Variants in HVCN1 observed in about 807,000 individuals in gnomAD.
HVCN1 encodes the protein hydrogen voltage gated channel 1, also known as voltage-gated hydrogen channel 1.
In HVCN1, 14 loss-of-function variants were observed where a neutral mutation model predicts 29.2. The ratio of observed to expected loss-of-function variants is 0.48; its 90% CI spans 0.32 to 0.75. The LOEUF is 0.75. Among genes scored for constraint, HVCN1 ranks in the 30% least tolerant of loss-of-function variants. The pLI, the probability that HVCN1 is intolerant of heterozygous loss-of-function variation, is 0.04. For synonymous variants in HVCN1, 131 were observed against 133.2 expected, an observed-to-expected ratio of 0.98 and a Z score of 0.11; for missense variants, 263 against 341.8, an observed-to-expected ratio of 0.77 and a Z score of 1.82.
chr12:110,697,948 C>T (rs1423711021), intron 2 of HVCN1, among the ~76,000 whole-genome samples: 1 of 152,144 alleles, frequency 6.6e-6, no homozygotes, highest in African/African-American at 2.4e-5. Flanking sequence ...CTGTGTCTGG[C>T]CGTTAAGCAT....
intron 1 of HVCN1, among the ~76,000 whole-genome samples, 166 bp from the exon 2 acceptor site, chr12:110,688,874 A>C (rs1322203262): frequency 6.6e-6 from 1 of 152,048 alleles, no homozygotes; most frequent in Non-Finnish European, 1.5e-5. Flanking sequence ...GTCCCTGCCG[A>C]GGGGAAGCAC....
chr12:110,654,608 AGCTGGGATTACAGGCGCAT>A, intron 5 of HVCN1, among the ~76,000 whole-genome samples: 1 of 151,040 alleles, frequency 6.6e-6, no homozygotes, highest in South Asian at 2.1e-4. Context: ...CCTCCTGAGT[AGCTGGGATTACAGGCGCAT>A]GCCACCACGC....
upstream of HVCN1, among the ~76,000 whole-genome samples, chr12:110,690,162 G>C (rs376643247): frequency 7.2e-5 from 11 of 152,256 alleles, no homozygotes; most frequent in South Asian, 1.0e-3. Context: ...TGCTTTTCCC[G>C]GCTGGAGAGG....
At chr12:110,660,585 G>A (rs947134319) in intron 4 of HVCN1, among the ~76,000 whole-genome samples, 5 of 152,130 alleles carry the variant, frequency 3.3e-5, no homozygotes, top group Non-Finnish European at 2.9e-5. Context: ...TTTGCATAAC[G>A]TAAAATTTAC....
chr12:110,693,748 TA>T (rs995615448), upstream of HVCN1, among the ~76,000 whole-genome samples: 10 of 151,708 alleles, frequency 6.6e-5, no homozygotes, highest in East Asian at 1.9e-4. Context: ...TTATTACAAG[TA>T]AAAAAAAATT....
rs1039219796 is a variant in HVCN1, at chr12:110,648,900, C to G, written c.*510G>C. 6 of 398,014 alleles carry G rather than the reference C, an allele frequency of 1.5e-5. No individual in the cohort carries two copies. Among genetic ancestry groups the G allele is most frequent in the Non-Finnish European group, 2.9e-5 (6 of 208,098 alleles). The allele number at this position is 398,014 out of a possible 1,614,324, so 24.7% of individuals were successfully genotyped here. On this transcript the variant is annotated 3_prime_UTR_variant, in exon 8 of 8. Coordinates refer to ENST00000242607, the MANE Select transcript of HVCN1 (RefSeq NM_032369.4). ...AACAATGGAGCCACCTAGAAGCTGG[C>G]TGATGCAGCTGGGGCACACAGAGGA... is the stretch of plus-strand genomic sequence containing the variant.
Position 110,650,182 on chromosome 12 carries a change from T to C in HVCN1, c.742A>G (p.Ser248Gly). ...LAAKIQHLEF[S>G]CSEKEQEIER... ...GTCTTTCTTACCTTCTCAGAGCAGC[T>C]GAACTCAAGGTGTTGAATCTTGGCG... Residue 248 changes from serine (S) to glycine (G), a missense_variant, in exon 7 of 8, where the codon AGC (serine) becomes GGC (glycine). Around this residue, in one of 3 missense-constraint regions of HVCN1, gnomAD observed 51 missense variants for 51.1 expected, o/e 1.00. Transcript: ENST00000242607. 1.9e-6 allele frequency: 3 copies of C among 1,610,406 alleles called. No individual in the cohort carries two copies. The highest frequency in any genetic ancestry group is 1.1e-5 in the South Asian group (1 of 91,032).
chr12:110,688,929 G>A (rs1306985399), intron 1 of HVCN1, among the ~76,000 whole-genome samples, 151 bp downstream of exon 1: 1 of 152,096 alleles, frequency 6.6e-6, no homozygotes, highest in African/African-American at 2.4e-5. Context: ...GCAACCGAGG[G>A]CTGGGGTCCT....
intron 5 of HVCN1, 38 bp from the exon 6 acceptor site, chr12:110,651,486 G>T (rs1158323133): frequency 1.4e-6 from 2 of 1,431,452 alleles, no homozygotes; most frequent in Middle Eastern, 1.8e-4. Context: ...GGGAGATTGG[G>T]CCTCTGGGAG....
chr12:110,691,823 G>A (rs1252663866), upstream of HVCN1, among the ~76,000 whole-genome samples: 2 of 151,530 alleles, frequency 1.3e-5, no homozygotes, highest in African/African-American at 4.9e-5. Flanking sequence ...TTCTCCCTGG[G>A]TACTTGCCTC....
chr12:110,661,304 G>T lies in HVCN1; in HGVS notation c.166C>A (p.Gln56Lys). 1 of 1,613,060 alleles carries T rather than the reference G, an allele frequency of 6.2e-7. No individual in the cohort carries two copies. The highest frequency in any genetic ancestry group is 1.1e-5 in the South Asian group (1 of 91,044). ...ENEEEEEEEE[Q>K]PPPTPVSGEE... ...CCTGAGACTGGTGTGGGTGGTGGCT[G>T]CTCCTCCTCCTCCTCCTCCTCTTCA... Residue 56 changes from glutamine to lysine, a missense_variant, in exon 4 of 8, where the codon CAG (glutamine) becomes AAG (lysine). Physicochemically the swap from Gln to Lys is moderately conservative, Grantham distance 53. Transcript: ENST00000242607. The surrounding 1 kb of genome is among the most constrained non-coding windows in gnomAD (Gnocchi z 6.2).
chr12:110,687,450 A>C (rs181555007), intron 2 of HVCN1, among the ~76,000 whole-genome samples: 341 of 152,336 alleles, frequency 2.2e-3, no homozygotes, highest in African/African-American at 7.5e-3. Context: ...TGCTGTGCAC[A>C]GCCCCTGAGA....
At chr12:110,670,145 C>G (rs999687747) in intron 3 of HVCN1, among the ~76,000 whole-genome samples, 1 of 152,186 alleles carries the variant, frequency 6.6e-6, no homozygotes, top group Non-Finnish European at 1.5e-5. Context: ...AAACTACCAT[C>G]TGGGAGAGAA....
rs759164458 is a variant in HVCN1 at position 110,661,278 on chromosome 12, G to A, written c.192C>T (p.Gly64=). ...EEQPPPTPVS[G]EEGRAAAPDV... is the part of the protein sequence containing the mutation. ...CAGGGGCTGCAGCTCTGCCTTCCTCGCCTGAGACTGGTGTGGGTGGTGGCT... is the reference window on the plus strand; with the variant it reads ...CAGGGGCTGCAGCTCTGCCTTCCTCACCTGAGACTGGTGTGGGTGGTGGCT... Residue 64 remains glycine (G), a synonymous_variant, in exon 4 of 8, where the codon GGC becomes GGT. Transcript: ENST00000242607. The surrounding 1 kb of genome is among the most constrained non-coding windows in gnomAD (Gnocchi z 6.2). The A allele has an allele frequency of 1.9e-5, 30 of 1,614,040 alleles. No homozygotes were observed. Among genetic ancestry groups the A allele is most frequent in the Non-Finnish European group, 2.3e-5 (27 of 1,180,034 alleles).
rs2067590202 is a variant in HVCN1, at chr12:110,648,730, A to G, written c.*680T>C. 1 of 248,714 alleles carries G rather than the reference A, an allele frequency of 4.0e-6. No individual in the cohort carries two copies. The highest frequency in any genetic ancestry group is 5.7e-5 in the Admixed American group (1 of 17,520). 15.4% of individuals were successfully genotyped at this position (248,714 alleles called of 1,614,324 possible). On this transcript the variant is annotated 3_prime_UTR_variant, in exon 8 of 8. Coordinates refer to ENST00000242607, the MANE Select transcript of HVCN1 (RefSeq NM_032369.4). ...GGCACTGTAGCTAGCTTGCTCTCCGACTGGCAGGCTGGTATGGGTGCCACA... is the reference window on the plus strand; with the variant it reads ...GGCACTGTAGCTAGCTTGCTCTCCGGCTGGCAGGCTGGTATGGGTGCCACA...
In HVCN1 at chr12:110,661,099, C is replaced by G; in HGVS notation, c.306+65G>C. The G allele has an allele frequency of 6.7e-7, 1 of 1,491,642 alleles. No homozygotes were observed. Among genetic ancestry groups the G allele is most frequent in the Non-Finnish European group, 9.1e-7 (1 of 1,099,742 alleles). 92.4% of individuals were successfully genotyped at this position (1,491,642 alleles called of 1,614,324 possible). A position where few individuals can be genotyped will look rare whatever the true frequency, so the allele number is the denominator to read the frequency against. ...GGCCAAATGGGCTCAGCCTGGCCGC[C>G]TGCCTCACATTCCCCGATGGCTCTC... On this transcript the variant is annotated intron_variant, in intron 4 of 7. Transcript: ENST00000242607. The surrounding 1 kb of genome is among the most constrained non-coding windows in gnomAD (Gnocchi z 6.2).
At chr12:110,665,410 A>T (rs769175020) in intron 3 of HVCN1, among the ~76,000 whole-genome samples, 5 of 151,832 alleles carry the variant, frequency 3.3e-5, no homozygotes, top group Middle Eastern at 3.2e-3. Context: ...ATACAAAATT[A>T]GCTGGGTGTG....
chr12:110,652,266 G>C (rs1187428563), intron 5 of HVCN1, among the ~76,000 whole-genome samples: 1 of 152,246 alleles, frequency 6.6e-6, no homozygotes, highest in African/African-American at 2.4e-5. Flanking sequence ...GGTGGTGCAT[G>C]CCTGTAGTCC....
chr12:110,683,865 C>T (rs1286465720), intron 2 of HVCN1, among the ~76,000 whole-genome samples: 3 of 142,688 alleles, frequency 2.1e-5, no homozygotes, highest in African/African-American at 2.7e-5. Flanking sequence ...AAGCCGAGAT[C>T]GTGCCACTGC....
Sources: allele counts gnomAD v4.1 joint callset (sites outside exome capture counted in the v4.1 genomes callset), GRCh38; gene constraint gnomAD v4.1.1; regional missense constraint gnomAD v4.1.1; non-coding constraint Gnocchi (gnomAD v3.1); transcripts MANE v1.5; gene names NCBI Gene and HGNC (gene_info 2026-07-23, HGNC 2026-07-21).